MBNL2: variants seen among roughly 807,000 people sequenced by gnomAD.
MBNL2 encodes muscleblind-like protein 2.
In MBNL2, 17 loss-of-function variants were observed where a neutral mutation model predicts 41.9. The observed-to-expected ratio is 0.41, with a 90% CI of 0.28 to 0.61. The LOEUF (loss-of-function observed/expected upper bound fraction) is 0.61. Among genes scored for constraint, MBNL2 ranks in the 20% least tolerant of loss-of-function variants. The probability of loss-of-function intolerance (pLI) is 0.35; values close to 1 mark genes in which losing one functional copy is unlikely to be tolerated. For missense variants in MBNL2, 336 were observed against 505.6 expected (o/e 0.66, Z 3.22); for synonymous variants, 195 against 182.9 (o/e 1.07, Z -0.53).
intron 8 of MBNL2, among the ~76,000 whole-genome samples, chr13:97,377,220 C>G (rs1401433789): frequency 1.3e-5 from 2 of 152,192 alleles, no homozygotes; most frequent in African/African-American, 4.8e-5. Flanking sequence ...AGAAATTGCT[C>G]AAGATCATAC....
intron 2 of MBNL2, among the ~76,000 whole-genome samples, chr13:97,308,780 G>A (rs2058338339): frequency 1.3e-5 from 2 of 152,196 alleles, no homozygotes; most frequent in African/African-American, 4.8e-5. Context: ...GAAAGAAAAG[G>A]CACTGAGAGG....
At chr13:97,311,424 C>G (rs1220507543) in intron 2 of MBNL2, among the ~76,000 whole-genome samples, 1 of 152,100 alleles carries the variant, frequency 6.6e-6, no homozygotes, top group Non-Finnish European at 1.5e-5. Context: ...TGCTTTTAAG[C>G]GTGAATCCCC....
At chr13:97,184,322 A>T in the MBNL2 span, among the ~76,000 whole-genome samples, 1 of 152,176 alleles carries the variant, frequency 6.6e-6, no homozygotes, top group African/African-American at 2.4e-5. Flanking sequence ...TCTTAAAAAA[A>T]TTGTTTTTCA....
At chr13:97,252,999 T>C (rs938073116) in intron 1 of MBNL2, among the ~76,000 whole-genome samples, 1 of 152,178 alleles carries the variant, frequency 6.6e-6, no homozygotes, top group African/African-American at 2.4e-5. Context: ...TTGTTGTGAA[T>C]ATGAGTTTCC....
chr13:97,242,991 A>C (rs370953566), intron 1 of MBNL2, among the ~76,000 whole-genome samples: 27 of 152,150 alleles, frequency 1.8e-4, no homozygotes, highest in African/African-American at 6.3e-4. Context: ...GCTCCTGTGC[A>C]GGCGTCTCCT....
chr13:97,386,723 C>T (rs1367700748), intron 8 of MBNL2, among the ~76,000 whole-genome samples: 1 of 152,182 alleles, frequency 6.6e-6, no homozygotes. Context: ...AAATATGAAA[C>T]TAATCAGGTA....
chr13:97,332,463 AGACAAGCAATTGTCAAGGAAGAAAAG>A (rs2060511284), intron 2 of MBNL2, among the ~76,000 whole-genome samples: 1 of 152,234 alleles, frequency 6.6e-6, no homozygotes, highest in South Asian at 2.1e-4. Context: ...ACAAACAAAG[AGACAAGCAATTGTCAAGGAAGAAAAG>A]GAAGTAAAGT....
chr13:97,332,346 A>G (rs2153061287), intron 2 of MBNL2, among the ~76,000 whole-genome samples: 1 of 152,322 alleles, frequency 6.6e-6, no homozygotes, highest in Admixed American at 6.5e-5. Flanking sequence ...AAATGATAGA[A>G]TTGTATTTGG....
rs1294789957 is a variant in MBNL2 at position 97,393,039 on chromosome 13, A to G, written c.*1590A>G. 6.6e-6 allele frequency: 1 copy of G among 152,508 alleles called. No individual in the cohort carries two copies. The highest frequency in any genetic ancestry group is 6.6e-5 in the Admixed American group (1 of 15,258). 9.4% of individuals were successfully genotyped at this position (152,508 alleles called of 1,614,324 possible). On this transcript the variant is annotated 3_prime_UTR_variant, in exon 9 of 9. Coordinates refer to ENST00000679496, the MANE Select transcript of MBNL2 (RefSeq NM_001382683.1). ...GTCAAAGTCGAATTACTATCTATTT[A>G]TCTTATATCGTAGATCTGATAACCC...
chr13:97,208,991 T>G, the MBNL2 span, among the ~76,000 whole-genome samples: 1 of 152,188 alleles, frequency 6.6e-6, no homozygotes, highest in African/African-American at 2.4e-5. Flanking sequence ...TTGATCAAAC[T>G]GTGAGTGGTT....
the MBNL2 span, among the ~76,000 whole-genome samples, chr13:97,196,677 T>C: frequency 4.6e-5 from 7 of 152,140 alleles, no homozygotes; most frequent in African/African-American, 1.7e-4. Flanking sequence ...CTCCTGAGTG[T>C]CCGGGTGATG....
At chr13:97,176,652 ATAC>A in the MBNL2 span, among the ~76,000 whole-genome samples, 3 of 152,216 alleles carry the variant, frequency 2.0e-5, no homozygotes, top group African/African-American at 7.2e-5. Context: ...GAATTTGTAG[ATAC>A]TTTGAGGGGA....
intron 1 of MBNL2, among the ~76,000 whole-genome samples, chr13:97,264,963 C>G (rs1333177555): frequency 6.6e-6 from 1 of 152,208 alleles, no homozygotes. Context: ...TTTCAATGGT[C>G]TCTAATACAA....
At chr13:97,243,387 T>C (rs2152817199) in intron 1 of MBNL2, among the ~76,000 whole-genome samples, 1 of 152,232 alleles carries the variant, frequency 6.6e-6, no homozygotes, top group East Asian at 1.9e-4. Flanking sequence ...GCTGCTATTC[T>C]GGCCAGGTAC....
At chr13:97,386,493 C>T (rs1566456280) in intron 8 of MBNL2, among the ~76,000 whole-genome samples, 4 of 152,198 alleles carry the variant, frequency 2.6e-5, no homozygotes, top group Admixed American at 1.3e-4. Flanking sequence ...CTGGCCTATT[C>T]ACTTACATAT....
chr13:97,364,921 G>C (rs2063732971), intron 7 of MBNL2, among the ~76,000 whole-genome samples: 1 of 152,224 alleles, frequency 6.6e-6, no homozygotes, highest in African/African-American at 2.4e-5. Flanking sequence ...AGTGTGAACA[G>C]TGGTCTAAGG....
chr13:97,327,348 C>A (rs1461380607), intron 2 of MBNL2, among the ~76,000 whole-genome samples: 1 of 151,946 alleles, frequency 6.6e-6, no homozygotes, highest in Non-Finnish European at 1.5e-5. Context: ...TTTACTGTAA[C>A]TGTTGTTTCA....
At chr13:97,162,212 G>A in the MBNL2 span, among the ~76,000 whole-genome samples, 2 of 152,200 alleles carry the variant, frequency 1.3e-5, no homozygotes, top group African/African-American at 4.8e-5. Context: ...CTCCCACCAG[G>A]CCCCACCTCC....
intron 2 of MBNL2, among the ~76,000 whole-genome samples, chr13:97,298,649 C>T (rs965309737): frequency 6.6e-6 from 1 of 152,172 alleles, no homozygotes; most frequent in Admixed American, 6.5e-5. Flanking sequence ...TTATCTCAGA[C>T]CTGTTTATAT....
Sources: allele counts gnomAD v4.1 joint callset (sites outside exome capture counted in the v4.1 genomes callset), GRCh38; gene constraint gnomAD v4.1.1; transcripts MANE v1.5; gene names NCBI Gene and HGNC (gene_info 2026-07-23, HGNC 2026-07-21).